RNMT: variants seen among roughly 807,000 people sequenced by gnomAD.
RNMT encodes mRNA cap guanine-N(7) methyltransferase.
In RNMT, 27 loss-of-function variants were observed where a neutral mutation model predicts 56.0. The observed-to-expected ratio is 0.48, with a 90% CI of 0.36 to 0.67. The LOEUF (loss-of-function observed/expected upper bound fraction) is 0.67, where lower values mean the gene tolerates loss of function less well. Ranked by LOEUF, RNMT falls within the 30% of genes least tolerant of loss-of-function variation. The pLI is 0.00. For synonymous variants in RNMT, 184 were observed against 176.2 expected, an observed-to-expected ratio of 1.04 and a Z score of -0.35; for missense variants, 519 against 552.1, an observed-to-expected ratio of 0.94 and a Z score of 0.60.
intron 4 of RNMT, among the ~76,000 whole-genome samples, 164 bp downstream of exon 4, chr18:13,734,763 T>C (rs183798601): frequency 6.6e-6 from 1 of 152,350 alleles, no homozygotes; most frequent in Non-Finnish European, 1.5e-5. Flanking sequence ...AATTATTATG[T>C]TAATCAGGTT....
chr18:13,747,975 T>G (rs563205689), intron 9 of RNMT, among the ~76,000 whole-genome samples: 1 of 152,322 alleles, frequency 6.6e-6, no homozygotes, highest in African/African-American at 2.4e-5. Flanking sequence ...AGCATATGGG[T>G]AGTGAATTCA....
intron 7 of RNMT, among the ~76,000 whole-genome samples, chr18:13,742,228 A>C (rs1343487780): frequency 1.3e-5 from 2 of 152,000 alleles, no homozygotes; most frequent in Admixed American, 1.3e-4. Flanking sequence ...GTCCTTGCTC[A>C]GGAGGCTGAG....
intron 11 of RNMT, among the ~76,000 whole-genome samples, chr18:13,754,631 G>C (rs746490989): frequency 6.6e-6 from 1 of 152,226 alleles, no homozygotes; most frequent in Non-Finnish European, 1.5e-5. Flanking sequence ...GTAGTGCCAA[G>C]AGAAGATACA....
chr18:13,743,032 A>G (rs1208189594), intron 8 of RNMT: 1 of 159,410 alleles, frequency 6.3e-6, no homozygotes, highest in Non-Finnish European at 1.4e-5. Context: ...GTCTTCATAA[A>G]TCAAAGATCC....
chr18:13,762,133 C>CA lies in RNMT; in HGVS notation c.*2155dup. ...CAAGCTCAGTGAAGTGGGGCACTCC[C>CA]AGACCTGCCATGCAGTTTATCCTCT... On this transcript the variant is annotated 3_prime_UTR_variant, in exon 12 of 12. Coordinates refer to ENST00000383314, the MANE Select transcript of RNMT (RefSeq NM_003799.3). 1 of 1,535,556 alleles carries CA rather than the reference C, an allele frequency of 6.5e-7. No individual in the cohort carries two copies. The highest frequency in any genetic ancestry group is 8.7e-7 in the Non-Finnish European group (1 of 1,146,628).
chr18:13,736,147 T>G (rs2149087076), intron 4 of RNMT, among the ~76,000 whole-genome samples: 1 of 152,358 alleles, frequency 6.6e-6, no homozygotes, highest in African/African-American at 2.4e-5. Flanking sequence ...GGCAGAAAGT[T>G]AAATATTATG....
In RNMT at chr18:13,762,986, G is replaced by A. The variant is rs1307898800; in HGVS notation, c.*3007G>A. The A allele has an allele frequency of 2.3e-6, 1 of 431,336 alleles. No homozygotes were observed. Among genetic ancestry groups the A allele is most frequent in the African/African-American group, 2.0e-5 (1 of 49,108 alleles). 26.7% of individuals were successfully genotyped at this position (431,336 alleles called of 1,614,324 possible). On this transcript the variant is annotated 3_prime_UTR_variant, in exon 12 of 12. Coordinates refer to ENST00000383314, the MANE Select transcript of RNMT (RefSeq NM_003799.3). ...CTTTCTGTTGTCTACCTCAGGCCTT[G>A]TGCATTTGGGTTATCTCAAGCCAGT...
intron 3 of RNMT, among the ~76,000 whole-genome samples, chr18:13,732,762 T>TTTTG (rs142277511): frequency 2.0e-5 from 2 of 98,692 alleles, no homozygotes; most frequent in Non-Finnish European, 3.8e-5. Context: ...TTTTTTTTTT[T>TTTTG]GGAGACAGAG....
Position 13,761,107 on chromosome 18 carries a change from A to T in RNMT, c.*1128A>T. 1.0e-6 allele frequency: 1 copy of T among 985,090 alleles called. No individual in the cohort carries two copies. 61.0% of individuals were successfully genotyped at this position (985,090 alleles called of 1,614,324 possible). ...GATTTACAAAAACATTACTTTCTGT[A>T]ATTCACAATACTTGTTTTAAAAACA... On this transcript the variant is annotated 3_prime_UTR_variant, in exon 12 of 12. Coordinates refer to ENST00000383314, the MANE Select transcript of RNMT (RefSeq NM_003799.3).
In RNMT at chr18:13,746,964, A is replaced by G. The variant is rs531565088; in HGVS notation, c.1257+627A>G. Among the ~76,000 whole-genome samples the G allele has an allele frequency of 3.3e-5, 5 of 152,368 alleles. No homozygotes were observed. The South Asian group carries it at 1.0e-3, about 32-fold the overall frequency. ...TCCTAATGCAGCAGTGAAGGTATCT[A>G]TATAAGCTTCAATTACACAGCCATT... is the stretch of plus-strand genomic sequence containing the variant. On this transcript the variant is annotated intron_variant, in intron 9 of 11. Transcript: ENST00000383314.
Position 13,762,365 on chromosome 18 carries a change from G to GTTC in RNMT, c.*2386_*2387insTTC. 1 of 574,140 alleles carries GTTC rather than the reference G, an allele frequency of 1.7e-6. No individual in the cohort carries two copies. The highest frequency in any genetic ancestry group is 3.0e-6 in the Non-Finnish European group (1 of 328,410). 35.6% of individuals were successfully genotyped at this position (574,140 alleles called of 1,614,324 possible). The stretch of plus-strand genomic sequence containing the variant: ...CTGGCAGTTTTTAACCACTTCTGTG[G>GTTC]GAGCCGTGTTCTAACCTGTGGAAAG... On this transcript the variant is annotated 3_prime_UTR_variant, in exon 12 of 12. Transcript: ENST00000383314.
intron 11 of RNMT, among the ~76,000 whole-genome samples, chr18:13,755,786 T>C (rs1274382676): frequency 6.6e-6 from 1 of 152,234 alleles, no homozygotes; most frequent in South Asian, 2.1e-4. Flanking sequence ...GACATCCTGC[T>C]GGTCCCAAAG....
chr18:13,746,586 A>C (rs1336737445), intron 9 of RNMT, among the ~76,000 whole-genome samples: 1 of 152,240 alleles, frequency 6.6e-6, no homozygotes, highest in African/African-American at 2.4e-5. Flanking sequence ...TCTCAGCCTC[A>C]GGACTGTTGA....
intron 8 of RNMT, among the ~76,000 whole-genome samples, chr18:13,743,286 G>A (rs2044283522): frequency 6.8e-6 from 1 of 147,758 alleles, no homozygotes; most frequent in African/African-American, 2.5e-5. Context: ...TCGCGCCACT[G>A]CGCTCCAGCC....
chr18:13,754,493 C>T lies in RNMT; in HGVS notation c.1393+346C>T, dbSNP rs45530134. ...CTGCACTCCAGTCTGGGCAACACAG[C>T]GAGACTCTCAAAAAAAAATCTGAAA... On this transcript the variant is annotated intron_variant, in intron 11 of 11. Coordinates refer to ENST00000383314, the MANE Select transcript of RNMT (RefSeq NM_003799.3). 3.3e-3 allele frequency among the ~76,000 whole-genome samples: 508 copies of T among 152,094 alleles called. 5 individuals carry two copies. Among genetic ancestry groups the T allele is most frequent in the African/African-American group, 0.01 (424 of 41,482 alleles).
At chr18:13,735,780 A>G (rs1271307357) in intron 4 of RNMT, among the ~76,000 whole-genome samples, 3 of 152,164 alleles carry the variant, frequency 2.0e-5, no homozygotes, top group African/African-American at 7.2e-5. Flanking sequence ...AGAGTTGGCA[A>G]AATTGTCTCT....
chr18:13,731,640 T>C lies in RNMT; in HGVS notation c.123T>C (p.Thr41=). The C allele has an allele frequency of 1.2e-6, 2 of 1,614,132 alleles. No individual in the cohort carries two copies. Among genetic ancestry groups the C allele is most frequent in the Non-Finnish European group, 1.7e-6 (2 of 1,180,020 alleles). Residue 41 remains threonine (T), a synonymous_variant, in exon 3 of 12, where the codon ACT becomes ACC. Transcript: ENST00000383314. ...ATGAAAACACAACAGCTTCTGGGAC[T>C]GGGCTTTCTGAAAAGACTTCTGTCT... The part of the protein sequence containing the change: ...NINENTTASG[T]GLSEKTSVCR...
At chr18:13,728,271 T>G (rs948147939) in intron 1 of RNMT, among the ~76,000 whole-genome samples, 2 of 150,176 alleles carry the variant, frequency 1.3e-5, no homozygotes, top group African/African-American at 2.4e-5. Flanking sequence ...GTGTTCCCCC[T>G]TTTCTGCATC....
chr18:13,761,906 A>T lies in RNMT; in HGVS notation c.*1927A>T, dbSNP rs2044624952. On this transcript the variant is annotated 3_prime_UTR_variant, in exon 12 of 12. Transcript: ENST00000383314. ...GTTACAATTAAGTTTCTGGATATTG[A>T]CTTAAGAACTGTTAGGAAGAGGACT... 1.8e-5 allele frequency: 20 copies of T among 1,105,858 alleles called. 1 individual carries two copies. In the South Asian group the frequency reaches 3.3e-4, roughly 18 times the overall value. The allele number at this position is 1,105,858 out of a possible 1,614,324, so 68.5% of individuals were successfully genotyped here. A position where few individuals can be genotyped will look rare whatever the true frequency, so the allele number is the denominator to read the frequency against.
Sources: allele counts gnomAD v4.1 joint callset (sites outside exome capture counted in the v4.1 genomes callset), GRCh38; gene constraint gnomAD v4.1.1; transcripts MANE v1.5; gene names NCBI Gene and HGNC (gene_info 2026-07-23, HGNC 2026-07-21).